DHX57: variants seen among roughly 807,000 people sequenced by gnomAD.
DHX57 encodes the protein DExH-box helicase 57, also known as putative ATP-dependent RNA helicase DHX57.
A neutral mutation model predicts 156.2 loss-of-function variants in DHX57; 105 were observed. The observed-to-expected ratio is 0.67, with a 90% confidence interval of 0.57 to 0.79. The LOEUF is 0.79. DHX57 is among the 30% of genes least tolerant of loss of function. The probability of loss-of-function intolerance (pLI) is 0.00; values close to 1 mark genes in which losing one functional copy is unlikely to be tolerated. For missense variants in DHX57, 1,847 were observed against 1,661.9 expected (o/e 1.11, Z -1.94); for synonymous variants, 704 against 595.6 (o/e 1.18, Z -2.65).
intron 19 of DHX57, 93 bp from the exon 20 acceptor site, chr2:38,815,748 C>A: frequency 6.7e-7 from 1 of 1,500,666 alleles, no homozygotes; most frequent in East Asian, 2.3e-5. Context: ...TGCATTATTT[C>A]AGGGGGTAGC....
chr2:38,846,221 T>G (rs1337328257), intron 11 of DHX57, among the ~76,000 whole-genome samples: 1 of 152,198 alleles, frequency 6.6e-6, no homozygotes, highest in African/African-American at 2.4e-5. Context: ...TTCTAAGCAC[T>G]TTGCAAGTAT....
intron 1 of DHX57, among the ~76,000 whole-genome samples, chr2:38,872,924 T>G (rs1311735021): frequency 6.6e-6 from 1 of 152,128 alleles, no homozygotes; most frequent in Non-Finnish European, 1.5e-5. Flanking sequence ...CTATACATAC[T>G]TCTGAAGTAC....
At chr2:38,802,489 T>C (rs748507297) in intron 23 of DHX57, among the ~76,000 whole-genome samples, 1 of 152,058 alleles carries the variant, frequency 6.6e-6, no homozygotes, top group Non-Finnish European at 1.5e-5. Context: ...GGTTTGACCA[T>C]GTTGGCCAGG....
At chr2:38,812,088 T>C (rs1670276404) in intron 21 of DHX57, among the ~76,000 whole-genome samples, 1 of 152,166 alleles carries the variant, frequency 6.6e-6, no homozygotes, top group Non-Finnish European at 1.5e-5. Context: ...AATCTTTTTA[T>C]TTTGAAATAA....
chr2:38,823,434 C>T (rs1670929199), intron 16 of DHX57, among the ~76,000 whole-genome samples, 165 bp from the exon 17 acceptor site: 1 of 152,194 alleles, frequency 6.6e-6, no homozygotes, highest in Non-Finnish European at 1.5e-5. Flanking sequence ...CTTTCAGATT[C>T]TGAAACTTAT....
At chr2:38,813,987 G>A in intron 20 of DHX57, 92 bp from the exon 21 acceptor site, 2 of 1,418,872 alleles carry the variant, frequency 1.4e-6, no homozygotes, top group Non-Finnish European at 2.0e-6. Context: ...ACCCAGGCAA[G>A]TGTGCAGTGG....
chr2:38,804,736 G>C (rs1295067034), intron 22 of DHX57, among the ~76,000 whole-genome samples: 1 of 151,708 alleles, frequency 6.6e-6, no homozygotes, highest in Non-Finnish European at 1.5e-5. Flanking sequence ...CTCCCACCTT[G>C]TGATGTTTGC....
rs1413096443 is a variant in DHX57, at chr2:38,861,778, C to A, written c.632G>T (p.Gly211Val). ...GGTAAGGAGATGCTCTAGTGATGCT[C>A]CCACATCTCCATCACACATCCTCAG... ...AVLRMCDGDV[G>V]ASLEHLLTQC... is the part of the protein sequence containing the mutation. The change falls in exon 5 of 24, where the codon GGA becomes GTA. Residue 211 changes from glycine (G) to valine (V), a missense_variant. By Grantham distance (109) the Gly-to-Val change is moderately radical (BLOSUM62 -3). Transcript: ENST00000457308. The A allele has an allele frequency of 6.2e-7, 1 of 1,613,924 alleles. No homozygotes were observed.
In DHX57 at chr2:38,874,566, T is replaced by G. The variant is rs111473531; in HGVS notation, c.-7+1221A>C. Reference sequence around the variant, plus strand: ...CTGGGACTACAGGCACCCGCCACCATGCCCGGCTAATTTTTTGTATTTTTA... The same window carrying G: ...CTGGGACTACAGGCACCCGCCACCAGGCCCGGCTAATTTTTTGTATTTTTA... On this transcript the variant is annotated intron_variant, in intron 1 of 23. Coordinates refer to ENST00000457308, the MANE Select transcript of DHX57 (RefSeq NM_198963.3). 4.1e-3 allele frequency among the ~76,000 whole-genome samples: 620 copies of G among 152,054 alleles called. 3 individuals carry two copies. Among genetic ancestry groups the G allele is most frequent in the African/African-American group, 0.014 (588 of 41,476 alleles).
chr2:38,833,247 A>C (rs1340611396), intron 13 of DHX57, among the ~76,000 whole-genome samples: 1 of 151,804 alleles, frequency 6.6e-6, no homozygotes, highest in Non-Finnish European at 1.5e-5. Flanking sequence ...GGTTCAAGAG[A>C]TTCTCCTGCC....
chr2:38,798,822 T>C (rs1305014853), intron 23 of DHX57, among the ~76,000 whole-genome samples: 1 of 152,148 alleles, frequency 6.6e-6, no homozygotes, highest in Non-Finnish European at 1.5e-5. Flanking sequence ...CATGCGCCTG[T>C]AATCCCAGCT....
chr2:38,858,608 C>T (rs1673022356), intron 6 of DHX57, 53 bp downstream of exon 6: 1 of 1,542,046 alleles, frequency 6.5e-7, no homozygotes, highest in Non-Finnish European at 8.7e-7. Context: ...TTCCTAATCC[C>T]ATCATCCAGA....
intron 12 of DHX57, among the ~76,000 whole-genome samples, chr2:38,840,322 A>C (rs148378753): frequency 6.6e-6 from 1 of 152,262 alleles, no homozygotes; most frequent in East Asian, 1.9e-4. Flanking sequence ...AAATTGAGCT[A>C]GGAAACATTA....
At chr2:38,798,487 A>G in intron 23 of DHX57, 45 bp from the exon 24 acceptor site, 1 of 1,557,756 alleles carries the variant, frequency 6.4e-7, no homozygotes. Flanking sequence ...AGGAACAGGC[A>G]GGATAGGTTA....
At chr2:38,812,933 C>T (rs144832069) in intron 21 of DHX57, among the ~76,000 whole-genome samples, 2,321 of 148,320 alleles carry the variant, frequency 0.016, 67 homozygotes, top group African/African-American at 0.054. Flanking sequence ...CTGCAACCTC[C>T]GCCTCCTGAG....
At position 38,813,718 on chromosome 2, in the gene DHX57, CG is replaced by C. The variant is rs1486359752; in HGVS notation, c.3681+102del. On this transcript the variant is annotated intron_variant, in intron 21 of 23. Transcript: ENST00000457308. ...AAGGGTGTGCGTGTGTGCACACATG[CG>C]TATATATCTCTTTAAGATGATTAAT... The C allele has an allele frequency of 4.2e-4, 565 of 1,339,372 alleles. 2 individuals carry two copies. The highest frequency in any genetic ancestry group is 2.8e-3 in the Middle Eastern group (15 of 5,402). 83.0% of individuals were successfully genotyped at this position (1,339,372 alleles called of 1,614,324 possible). A position where few individuals can be genotyped will look rare whatever the true frequency, so the allele number is the denominator to read the frequency against.
intron 8 of DHX57, 74 bp from the exon 9 acceptor site, chr2:38,854,252 T>G: frequency 6.8e-7 from 1 of 1,479,778 alleles, no homozygotes; most frequent in Non-Finnish European, 9.2e-7. Flanking sequence ...AAAGCCATTT[T>G]GAATGGATAG....
At chr2:38,834,442 T>A (rs762520605) in intron 13 of DHX57, among the ~76,000 whole-genome samples, 4 of 151,978 alleles carry the variant, frequency 2.6e-5, no homozygotes, top group Non-Finnish European at 5.9e-5. Context: ...TGTAGCCACC[T>A]CCTGTTGCTA....
At chr2:38,871,736 T>G (rs768233681) in intron 1 of DHX57, among the ~76,000 whole-genome samples, 3 of 149,752 alleles carry the variant, frequency 2.0e-5, no homozygotes, top group Non-Finnish European at 4.5e-5. Context: ...TGAGACAGTC[T>G]CACTCTGTTG....
Sources: allele counts gnomAD v4.1 joint callset (sites outside exome capture counted in the v4.1 genomes callset), GRCh38; gene constraint gnomAD v4.1.1; transcripts MANE v1.5; gene names NCBI Gene and HGNC (gene_info 2026-07-23, HGNC 2026-07-21).